Variants in WWOX observed in about 807,000 individuals in gnomAD.
The protein encoded by WWOX is WW domain containing oxidoreductase.
A neutral mutation model predicts 46.2 loss-of-function variants in WWOX; 69 were observed. That is an observed-to-expected ratio of 1.49 (90% confidence interval 1.23 to 1.82). The LOEUF (loss-of-function observed/expected upper bound fraction) is 1.82. Ranked by LOEUF, WWOX falls within the 40% of genes most tolerant of loss-of-function variation. The probability of loss-of-function intolerance (pLI) is 0.00; values close to 1 mark genes in which losing one functional copy is unlikely to be tolerated. For synonymous variants in WWOX, 359 were observed against 202.6 expected, an observed-to-expected ratio of 1.77 and a Z score of -6.56; for missense variants, 919 against 542.6, an observed-to-expected ratio of 1.69 and a Z score of -6.89.
At chr16:78,639,281 G>A (rs867190201) in intron 8 of WWOX, among the ~76,000 whole-genome samples, 18 of 152,140 alleles carry the variant, frequency 1.2e-4, no homozygotes, top group African/African-American at 3.6e-4. Flanking sequence ...GATGACACAC[G>A]CAGGGAAGCA....
At chr16:78,860,071 A>G (rs752452809) in intron 8 of WWOX, among the ~76,000 whole-genome samples, 2 of 152,222 alleles carry the variant, frequency 1.3e-5, no homozygotes, top group Non-Finnish European at 2.9e-5. Context: ...TTCTAGCCGC[A>G]TATTAGCATT....
chr16:78,813,113 C>T (rs543343969), intron 8 of WWOX, among the ~76,000 whole-genome samples: 133 of 148,528 alleles, frequency 9.0e-4, no homozygotes, highest in Non-Finnish European at 1.2e-3. Context: ...CTTGTATACA[C>T]GTTGTTCTAT....
chr16:78,513,330 G>A (rs1359104882), intron 8 of WWOX, among the ~76,000 whole-genome samples: 8 of 152,178 alleles, frequency 5.3e-5, no homozygotes, highest in Non-Finnish European at 1.2e-4. Context: ...GAGGGTATGG[G>A]CAACATTTGA....
chr16:78,978,155 T>C (rs1232580313), intron 8 of WWOX, among the ~76,000 whole-genome samples: 1 of 152,216 alleles, frequency 6.6e-6, no homozygotes, highest in Non-Finnish European at 1.5e-5. Context: ...ACCCACATTG[T>C]GGCATGTATC....
chr16:78,775,256 A>G (rs1042601564), intron 8 of WWOX, among the ~76,000 whole-genome samples: 1 of 152,166 alleles, frequency 6.6e-6, no homozygotes, highest in African/African-American at 2.4e-5. Context: ...ATATCACAAA[A>G]CAAAAATATC....
intron 8 of WWOX, among the ~76,000 whole-genome samples, chr16:78,679,824 C>G (rs998483472): frequency 2.0e-5 from 3 of 152,212 alleles, no homozygotes; most frequent in Non-Finnish European, 2.9e-5. Flanking sequence ...AAGAGACACT[C>G]AGAGTCAACT....
intron 5 of WWOX, among the ~76,000 whole-genome samples, chr16:78,355,368 T>C (rs895200954): frequency 2.6e-5 from 4 of 152,120 alleles, no homozygotes; most frequent in Admixed American, 1.3e-4. Flanking sequence ...TTTGGGAGGC[T>C]GAGGCGGGCG....
At chr16:79,101,496 C>G (rs2049192331) in intron 8 of WWOX, 1 of 152,182 alleles carries the variant, frequency 6.6e-6, no homozygotes, top group Non-Finnish European at 1.5e-5. Flanking sequence ...TGCCTACTCC[C>G]TATTCCCATA....
intron 8 of WWOX, among the ~76,000 whole-genome samples, chr16:79,091,374 G>C (rs1330684501): frequency 1.3e-5 from 2 of 151,584 alleles, no homozygotes; most frequent in African/African-American, 2.4e-5. Flanking sequence ...CTCTTTCACT[G>C]CTTTCGTGAG....
chr16:78,717,291 C>G (rs1023500785), intron 8 of WWOX, among the ~76,000 whole-genome samples: 5 of 152,094 alleles, frequency 3.3e-5, no homozygotes, highest in African/African-American at 1.2e-4. Flanking sequence ...AGTTAAGAGC[C>G]TACTGGGAGA....
chr16:78,519,321 G>C (rs367947392), intron 8 of WWOX, among the ~76,000 whole-genome samples: 4 of 152,240 alleles, frequency 2.6e-5, no homozygotes, highest in African/African-American at 9.6e-5. Context: ...CAGTAAGCAT[G>C]TTGCTCTGGT....
Position 78,785,774 on chromosome 16 carries a change from C to T in WWOX, c.1056+353022C>T, listed in dbSNP as rs996423575. Among the ~76,000 whole-genome samples, 9 of 152,094 alleles carry T rather than the reference C, an allele frequency of 5.9e-5. 1 individual carries two copies. The highest frequency in any genetic ancestry group is 2.2e-4 in the African/African-American group (9 of 41,440). On this transcript the variant is annotated intron_variant, in intron 8 of 8. Transcript: ENST00000566780. ...CAAAATAAGACATATGTCAGAACTT[C>T]ACTTATCCTTCTTTGCTGAATTGGA... is the stretch of plus-strand genomic sequence containing the variant.
intron 8 of WWOX, among the ~76,000 whole-genome samples, chr16:79,160,627 G>C (rs8050958): frequency 0.58 from 87,954 of 151,964 alleles, 26,565 homozygotes; most frequent in East Asian, 0.75. Flanking sequence ...TTTTGAAGAG[G>C]TATGGGTCAA....
chr16:78,938,958 A>G (rs916621852), intron 8 of WWOX, among the ~76,000 whole-genome samples: 1 of 152,220 alleles, frequency 6.6e-6, no homozygotes, highest in African/African-American at 2.4e-5. Flanking sequence ...ATACAAAGGT[A>G]GAATATGAAG....
chr16:78,440,444 C>A (rs1271445910), intron 8 of WWOX, among the ~76,000 whole-genome samples: 1 of 152,126 alleles, frequency 6.6e-6, no homozygotes, highest in Non-Finnish European at 1.5e-5. Context: ...TTTGGTCTCT[C>A]AGATTATATG....
intron 8 of WWOX, among the ~76,000 whole-genome samples, chr16:79,047,377 A>G (rs1440946773): frequency 6.6e-6 from 1 of 152,232 alleles, no homozygotes; most frequent in Non-Finnish European, 1.5e-5. Flanking sequence ...TGACAAGGCC[A>G]GAAATAGACC....
chr16:78,735,439 G>T (rs1333568446), intron 8 of WWOX, among the ~76,000 whole-genome samples: 5 of 126,824 alleles, frequency 3.9e-5, no homozygotes, highest in Non-Finnish European at 7.9e-5. Context: ...ATATGGTTCT[G>T]ATTCTCTGGA....
At chr16:78,422,688 C>CACACACACACACACATATATATATAT (rs2082965067) in intron 6 of WWOX, among the ~76,000 whole-genome samples, 6 of 21,552 alleles carry the variant, frequency 2.8e-4, no homozygotes, top group African/African-American at 7.0e-4. Flanking sequence ...TATATATACA[C>CACACACACACACACATATATATATAT]ACACACACAC....
At chr16:78,932,643 G>A (rs997050419) in intron 8 of WWOX, among the ~76,000 whole-genome samples, 26 of 152,242 alleles carry the variant, frequency 1.7e-4, no homozygotes, top group Non-Finnish European at 3.4e-4. Context: ...GAAGCCTGCA[G>A]CTGCGGCCTC....
Sources: gnomAD v4.1 joint callset for allele counts (sites outside exome capture counted in the v4.1 genomes callset) on GRCh38, gnomAD v4.1.1 for gene constraint, MANE v1.5 for transcripts, NCBI Gene and HGNC (gene_info 2026-07-23, HGNC 2026-07-21) for gene names.